The following PRRC1 variants were observed in gnomAD, a reference collection of about 807,000 sequenced individuals.
PRRC1 encodes proline rich coiled-coil 1, also known as protein PRRC1.
Under a neutral mutation model 40.7 loss-of-function variants are expected in PRRC1, and 39 were observed. The ratio of observed to expected loss-of-function variants is 0.96; its 90% CI spans 0.74 to 1.25. PRRC1 has a LOEUF of 1.25. Ranked by LOEUF, PRRC1 falls within the 50% of genes most tolerant of loss-of-function variation. The probability of loss-of-function intolerance (pLI) is 0.00; values close to 1 mark genes in which losing one functional copy is unlikely to be tolerated. For missense variants in PRRC1, 573 were observed against 548.3 expected (o/e 1.05, Z -0.45); for synonymous variants, 175 against 193.3 (o/e 0.91, Z 0.79).
chr5:127,553,653 A>C lies in PRRC1; in HGVS notation c.*1737A>C. Reference sequence around the variant, plus strand: ...TGTCCTTACTTAAAATAGTTCTGCTACTTTCCCTCCTATTATAAGGAAATC... The same window carrying C: ...TGTCCTTACTTAAAATAGTTCTGCTCCTTTCCCTCCTATTATAAGGAAATC... On this transcript the variant is annotated 3_prime_UTR_variant, in exon 9 of 9. Coordinates refer to ENST00000296666, the MANE Select transcript of PRRC1 (RefSeq NM_130809.5). 1 of 1,438,268 alleles carries C rather than the reference A, an allele frequency of 7.0e-7. No homozygotes were observed. Among genetic ancestry groups the C allele is most frequent in the South Asian group, 1.4e-5 (1 of 71,102 alleles). 89.1% of individuals were successfully genotyped at this position (1,438,268 alleles called of 1,614,324 possible).
chr5:127,543,870 A>G (rs886848352), intron 7 of PRRC1, among the ~76,000 whole-genome samples: 11 of 152,168 alleles, frequency 7.2e-5, no homozygotes, highest in Non-Finnish European at 1.6e-4. Context: ...TCTTCTCTCA[A>G]CTCGTCAAAG....
chr5:127,544,543 C>G (rs965354344), intron 7 of PRRC1, among the ~76,000 whole-genome samples: 1 of 152,240 alleles, frequency 6.6e-6, no homozygotes, highest in African/African-American at 2.4e-5. Flanking sequence ...CCAGTTCGAG[C>G]TTCCCGGCTG....
Position 127,553,740 on chromosome 5 carries a change from C to A in PRRC1, c.*1824C>A. The A allele has an allele frequency of 6.6e-7, 1 of 1,516,820 alleles. No individual in the cohort carries two copies. Among genetic ancestry groups the A allele is most frequent in the South Asian group, 1.2e-5 (1 of 80,128 alleles). The allele number at this position is 1,516,820 out of a possible 1,614,324, so 94.0% of individuals were successfully genotyped here. A position where few individuals can be genotyped will look rare whatever the true frequency, so the allele number is the denominator to read the frequency against. ...TTTTATTTTACCAAGTCACAAATGT[C>A]TTTTTGATGTTTTGAGAATTGTTCT... On this transcript the variant is annotated 3_prime_UTR_variant, in exon 9 of 9. Coordinates refer to ENST00000296666, the MANE Select transcript of PRRC1 (RefSeq NM_130809.5).
Position 127,553,771 on chromosome 5 carries a change from A to T in PRRC1, c.*1855A>T. On this transcript the variant is annotated 3_prime_UTR_variant, in exon 9 of 9. Coordinates refer to ENST00000296666, the MANE Select transcript of PRRC1 (RefSeq NM_130809.5). ...GATGTTTTGAGAATTGTTCTCATAG[A>T]ATCACAAATACTGACATTTCATTAG... 1 of 1,534,088 alleles carries T rather than the reference A, an allele frequency of 6.5e-7. No individual in the cohort carries two copies. Among genetic ancestry groups the T allele is most frequent in the Non-Finnish European group, 8.7e-7 (1 of 1,145,910 alleles).
In PRRC1 at chr5:127,554,138, C is replaced by A; in HGVS notation, c.*2222C>A. 1 of 372,512 alleles carries A rather than the reference C, an allele frequency of 2.7e-6. No homozygotes were observed. Among genetic ancestry groups the A allele is most frequent in the Non-Finnish European group, 4.8e-6 (1 of 206,708 alleles). The allele number at this position is 372,512 out of a possible 1,614,324, so 23.1% of individuals were successfully genotyped here. Reference sequence around the variant, plus strand: ...TCTCTAACACACCATGGCAGCTTAGCCAGGTAGTCTTAGTGGTGGTGTTTA... The same window carrying A: ...TCTCTAACACACCATGGCAGCTTAGACAGGTAGTCTTAGTGGTGGTGTTTA... On this transcript the variant is annotated 3_prime_UTR_variant, in exon 9 of 9. Coordinates refer to ENST00000296666, the MANE Select transcript of PRRC1 (RefSeq NM_130809.5).
At position 127,531,617 on chromosome 5, in the gene PRRC1, CTTTTTTTTTT is replaced by C. The variant is rs60179366; in HGVS notation, c.757+1235_757+1244del. Among the ~76,000 whole-genome samples the C allele has an allele frequency of 2.0e-3, 203 of 99,648 alleles. 1 individual carries two copies. The highest frequency in any genetic ancestry group is 8.3e-3 in the African/African-American group (180 of 21,568). 65.4% of individuals were successfully genotyped at this position (99,648 alleles called of 152,430 possible). ...GCCAGGTGTTTTTATTCTTCTTCTT[CTTTTTTTTTT>C]TTTTTTTTTTTTTGAGACAGAGTCT... On this transcript the variant is annotated intron_variant, in intron 5 of 8. Transcript: ENST00000296666.
At chr5:127,545,539 A>G (rs971237451) in intron 7 of PRRC1, among the ~76,000 whole-genome samples, 5 of 151,336 alleles carry the variant, frequency 3.3e-5, no homozygotes, top group Non-Finnish European at 7.4e-5. Context: ...CACAAGGACA[A>G]AAAACCAAAC....
intron 8 of PRRC1, chr5:127,551,231 A>G (rs1768373078): frequency 6.2e-6 from 1 of 162,154 alleles, no homozygotes; most frequent in Non-Finnish European, 1.4e-5. Flanking sequence ...ATGTTGCATC[A>G]GTGGTTGATG....
chr5:127,521,169 T>G (rs1767449147), intron 1 of PRRC1, among the ~76,000 whole-genome samples: 1 of 152,210 alleles, frequency 6.6e-6, no homozygotes, highest in East Asian at 1.9e-4. Context: ...TTTTAAAGTT[T>G]AAATTCCTAG....
chr5:127,542,887 ATT>A (rs1380571972), intron 7 of PRRC1, among the ~76,000 whole-genome samples: 1 of 152,096 alleles, frequency 6.6e-6, no homozygotes, highest in Non-Finnish European at 1.5e-5. Flanking sequence ...TAAAGTTAAT[ATT>A]GTTATGTGTG....
chr5:127,547,896 C>T lies in PRRC1; in HGVS notation c.1103C>T (p.Pro368Leu), dbSNP rs1181008633. ...IHLETFTQAT[P>L]VPLEFVQQAQ... ...CTAGAAACATTTACACAAGCCACAC[C>T]AGTGCCTTTGGAATTTGTACAGCAG... Residue 368 changes from proline (P) to leucine (L), a missense_variant, in exon 8 of 9, where the codon CCA becomes CTA. Pro to Leu is a moderately conservative substitution (Grantham distance 98). Coordinates refer to ENST00000296666, the MANE Select transcript of PRRC1 (RefSeq NM_130809.5). 2 of 1,613,490 alleles carry T rather than the reference C, an allele frequency of 1.2e-6. No individual in the cohort carries two copies. Among genetic ancestry groups the T allele is most frequent in the Non-Finnish European group, 8.5e-7 (1 of 1,179,484 alleles).
At chr5:127,545,781 TA>T (rs534086628) in intron 7 of PRRC1, among the ~76,000 whole-genome samples, 121 of 146,424 alleles carry the variant, frequency 8.3e-4, no homozygotes, top group Non-Finnish European at 1.2e-3. Flanking sequence ...AAGTATAATT[TA>T]AAAAAAAAAA....
chr5:127,529,563 G>T (rs1241297386), intron 4 of PRRC1, among the ~76,000 whole-genome samples: 2 of 152,158 alleles, frequency 1.3e-5, no homozygotes, highest in Admixed American at 6.5e-5. Flanking sequence ...TTTAATGGCA[G>T]ATTGGAAGAT....
chr5:127,544,932 G>C (rs2127113531), intron 7 of PRRC1, among the ~76,000 whole-genome samples: 2 of 152,296 alleles, frequency 1.3e-5, no homozygotes, highest in East Asian at 3.9e-4. Context: ...GATGAACCTG[G>C]TACCTCAGAT....
At position 127,553,212 on chromosome 5, in the gene PRRC1, TGC is replaced by T; in HGVS notation, c.*1297_*1298del. 1 of 985,248 alleles carries T rather than the reference TGC, an allele frequency of 1.0e-6. No individual in the cohort carries two copies. Among genetic ancestry groups the T allele is most frequent in the Non-Finnish European group, 1.2e-6 (1 of 829,724 alleles). 61.0% of individuals were successfully genotyped at this position (985,248 alleles called of 1,614,324 possible). On this transcript the variant is annotated 3_prime_UTR_variant, in exon 9 of 9. Transcript: ENST00000296666. ...ATAAAAGCTGTTGAAGCTCTTGTCC[TGC>T]ACTGTCTTTAGGTATCATAGGTATC...
intron 7 of PRRC1, among the ~76,000 whole-genome samples, chr5:127,540,992 T>G (rs993370096): frequency 1.3e-5 from 2 of 152,208 alleles, no homozygotes; most frequent in African/African-American, 2.4e-5. Context: ...CCATTCAGTA[T>G]GATATTGGCT....
chr5:127,540,761 C>T (rs1481146542), intron 7 of PRRC1, among the ~76,000 whole-genome samples: 1 of 152,140 alleles, frequency 6.6e-6, no homozygotes, highest in African/African-American at 2.4e-5. Flanking sequence ...AGTGTCTGTT[C>T]ATGTCCTTCG....
intron 2 of PRRC1, 134 bp downstream of exon 2, chr5:127,523,716 CT>C: frequency 2.2e-6 from 1 of 463,398 alleles, no homozygotes; most frequent in Non-Finnish European, 3.8e-6. Flanking sequence ...AGGAAATAGC[CT>C]TTTTAATTTA....
At chr5:127,548,307 A>C (rs1580953109) in intron 8 of PRRC1, 1 of 379,258 alleles carries the variant, frequency 2.6e-6, no homozygotes, top group Non-Finnish European at 4.7e-6. Context: ...TCCTTGATTG[A>C]TTGTCCTCCT....
Sources: gnomAD v4.1 joint callset for allele counts (sites outside exome capture counted in the v4.1 genomes callset) on GRCh38, gnomAD v4.1.1 for gene constraint, MANE v1.5 for transcripts, NCBI Gene and HGNC (gene_info 2026-07-23, HGNC 2026-07-21) for gene names.